The following ELK3 variants were observed in gnomAD, a reference collection of about 807,000 sequenced individuals.
ELK3 encodes ETS transcription factor ELK3.
A neutral mutation model predicts 28.9 loss-of-function variants in ELK3; 10 were observed. The observed-to-expected ratio is 0.35, with a 90% confidence interval of 0.21 to 0.59. The LOEUF (loss-of-function observed/expected upper bound fraction) is 0.59. Ranked by LOEUF, ELK3 falls within the 20% of genes least tolerant of loss-of-function variation. ELK3 has a pLI of 0.82. For missense variants in ELK3, 463 were observed against 517.3 expected (o/e 0.90, Z 1.02); for synonymous variants, 272 against 243.5 (o/e 1.12, Z -1.09).
chr12:96,266,023 C>T (rs1373027355), intron 4 of ELK3, among the ~76,000 whole-genome samples: 1 of 152,124 alleles, frequency 6.6e-6, no homozygotes, highest in Non-Finnish European at 1.5e-5. Context: ...AGCTGTGTGA[C>T]CTTTAGCCAA....
chr12:96,232,072 A>G (rs555530749), intron 2 of ELK3, among the ~76,000 whole-genome samples: 10 of 152,302 alleles, frequency 6.6e-5, no homozygotes, highest in African/African-American at 2.4e-4. Flanking sequence ...AATGAGAATG[A>G]GTTTACCCGG....
At chr12:96,211,486 TTTGTGTG>T (rs149313708) in intron 1 of ELK3, among the ~76,000 whole-genome samples, 38,642 of 133,244 alleles carry the variant, frequency 0.29, 5,482 homozygotes, top group East Asian at 0.62. Flanking sequence ...TCATTGTGTG[TTTGTGTG>T]TGTGTGTGTG....
chr12:96,229,113 C>A (rs1048707710), intron 2 of ELK3, among the ~76,000 whole-genome samples: 1 of 152,174 alleles, frequency 6.6e-6, no homozygotes, highest in Non-Finnish European at 1.5e-5. Flanking sequence ...TTAGTAAATG[C>A]TAGACGAGTG....
chr12:96,267,381 G>T lies in ELK3; in HGVS notation c.*201G>T. 1 of 445,446 alleles carries T rather than the reference G, an allele frequency of 2.2e-6. No homozygotes were observed. Among genetic ancestry groups the T allele is most frequent in the East Asian group, 4.0e-5 (1 of 25,278 alleles). 27.6% of individuals were successfully genotyped at this position (445,446 alleles called of 1,614,324 possible). ...TTCAAGTATATATGAAAATCTGTTT[G>T]GCATTAAGTGAATTTTAATGTTTTT... On this transcript the variant is annotated 3_prime_UTR_variant, in exon 5 of 5. Coordinates refer to ENST00000228741, the MANE Select transcript of ELK3 (RefSeq NM_005230.4).
chr12:96,198,549 G>A (rs142586232), intron 1 of ELK3, among the ~76,000 whole-genome samples: 300 of 152,266 alleles, frequency 2.0e-3, no homozygotes, highest in African/African-American at 5.6e-3. Flanking sequence ...TTATGTCCTG[G>A]TTATCTTTAA....
chr12:96,255,118 G>C (rs1326442255), intron 3 of ELK3, among the ~76,000 whole-genome samples: 2 of 152,122 alleles, frequency 1.3e-5, no homozygotes, highest in African/African-American at 4.8e-5. Flanking sequence ...GGAGGGGTCA[G>C]AGGGATGGAT....
chr12:96,243,908 G>A (rs1209867932), intron 2 of ELK3, among the ~76,000 whole-genome samples: 2 of 150,884 alleles, frequency 1.3e-5, no homozygotes, highest in African/African-American at 4.9e-5. Context: ...TGGGAGGCTG[G>A]GGCAGAAGAA....
intron 4 of ELK3, among the ~76,000 whole-genome samples, chr12:96,261,825 G>T (rs761474540): frequency 6.6e-6 from 1 of 152,140 alleles, no homozygotes; most frequent in Admixed American, 6.5e-5. Flanking sequence ...GATTCGACAC[G>T]TTATCAGGAT....
chr12:96,244,063 TTA>T (rs1951840065), intron 2 of ELK3, among the ~76,000 whole-genome samples: 1 of 152,092 alleles, frequency 6.6e-6, no homozygotes, highest in Non-Finnish European at 1.5e-5. Flanking sequence ...GCCCATTATG[TTA>T]TGTTTGTTCC....
intron 2 of ELK3, among the ~76,000 whole-genome samples, chr12:96,232,832 G>A (rs1435114819): frequency 1.3e-5 from 2 of 151,664 alleles, no homozygotes; most frequent in Non-Finnish European, 2.9e-5. Flanking sequence ...GCTGGGCATG[G>A]TTGTGCGCAC....
Position 96,223,787 on chromosome 12 carries a change from C to G in ELK3, c.207+14C>G, listed in dbSNP as rs753256762. 1.2e-6 allele frequency: 2 copies of G among 1,612,986 alleles called. No individual in the cohort carries two copies. Among genetic ancestry groups the G allele is most frequent in the Middle Eastern group, 3.3e-4 (2 of 6,082 alleles). ...TATTATGACAAGGTAAACCCTTGAC[C>G]TTGCATGGGGCCGTCTTGGGGAGGG... On this transcript the variant is annotated intron_variant, in intron 2 of 4. Coordinates refer to ENST00000228741, the MANE Select transcript of ELK3 (RefSeq NM_005230.4).
At chr12:96,228,542 C>G (rs1052647113) in intron 2 of ELK3, among the ~76,000 whole-genome samples, 2 of 151,568 alleles carry the variant, frequency 1.3e-5, no homozygotes, top group Non-Finnish European at 2.9e-5. Context: ...TAGGACCTAT[C>G]AGGAGCACTT....
In ELK3 at chr12:96,199,035, GCC is replaced by G. The variant is rs1217745409; in HGVS notation, c.-3+4332_-3+4333del. On this transcript the variant is annotated intron_variant, in intron 1 of 4. Transcript: ENST00000228741. The stretch of plus-strand genomic sequence containing the variant: ...GTTCAAGTAATGTTCTAAGAATGCT[GCC>G]CTCTTGAAAGACTGAGTTCCTATGT... Among the ~76,000 whole-genome samples the G allele has an allele frequency of 7.9e-5, 12 of 152,230 alleles. No individual in the cohort carries two copies. The South Asian group carries it at 1.5e-3, about 18-fold the overall frequency.
At chr12:96,231,993 G>A (rs1951745260) in intron 2 of ELK3, among the ~76,000 whole-genome samples, 3 of 152,198 alleles carry the variant, frequency 2.0e-5, no homozygotes, top group African/African-American at 7.2e-5. Flanking sequence ...TCTTCTGGGA[G>A]AGCAGGGAGG....
At chr12:96,203,470 A>G (rs1030248424) in intron 1 of ELK3, among the ~76,000 whole-genome samples, 4 of 152,202 alleles carry the variant, frequency 2.6e-5, no homozygotes, top group Admixed American at 6.5e-5. Context: ...CACTTTGTAC[A>G]ATACCTGGCA....
In ELK3 at chr12:96,194,409, C is replaced by CG. The variant is rs1161406990; in HGVS notation, c.-297dup. 1 of 146,376 alleles carries CG rather than the reference C, an allele frequency of 6.8e-6. No homozygotes were observed. The highest frequency in any genetic ancestry group is 2.5e-5 in the African/African-American group (1 of 40,516). 9.1% of individuals were successfully genotyped at this position (146,376 alleles called of 1,614,324 possible). A position where few individuals can be genotyped will look rare whatever the true frequency, so the allele number is the denominator to read the frequency against. On this transcript the variant is annotated 5_prime_UTR_variant, in exon 1 of 5. Coordinates refer to ENST00000228741, the MANE Select transcript of ELK3 (RefSeq NM_005230.4). Reference sequence around the variant, plus strand: ...GGCGGCCAGCCCCGGCGCACAGCCGCGGCCGGGGCGCGCGGCGCGGGGCGG... The same window carrying CG: ...GGCGGCCAGCCCCGGCGCACAGCCGCGGGCCGGGGCGCGCGGCGCGGGGCGG...
intron 1 of ELK3, among the ~76,000 whole-genome samples, chr12:96,198,575 A>G (rs1951487500): frequency 6.6e-6 from 1 of 152,224 alleles, no homozygotes; most frequent in Non-Finnish European, 1.5e-5. Context: ...CTTTGCCTGT[A>G]TAGATCGACT....
At position 96,267,634 on chromosome 12, in the gene ELK3, T is replaced by C. The variant is rs1037168266; in HGVS notation, c.*454T>C. On this transcript the variant is annotated 3_prime_UTR_variant, in exon 5 of 5. Coordinates refer to ENST00000228741, the MANE Select transcript of ELK3 (RefSeq NM_005230.4). ...GTATTAAGAGGAAATGTTTGAAAGA[T>C]GAAAATTAGTATCAAACAGCTCTCT... The C allele has an allele frequency of 3.3e-5, 5 of 152,958 alleles. No homozygotes were observed. Among genetic ancestry groups the C allele is most frequent in the African/African-American group, 1.2e-4 (5 of 41,448 alleles). 9.5% of individuals were successfully genotyped at this position (152,958 alleles called of 1,614,324 possible). A position where few individuals can be genotyped will look rare whatever the true frequency, so the allele number is the denominator to read the frequency against.
chr12:96,203,428 G>A (rs894544072), intron 1 of ELK3, among the ~76,000 whole-genome samples: 5 of 152,228 alleles, frequency 3.3e-5, no homozygotes, highest in Admixed American at 1.3e-4. Context: ...CTGGGCCTGC[G>A]TCCGTTTTTC....
Sources: gnomAD v4.1 joint callset for allele counts (sites outside exome capture counted in the v4.1 genomes callset) on GRCh38, gnomAD v4.1.1 for gene constraint, MANE v1.5 for transcripts, NCBI Gene and HGNC (gene_info 2026-07-23, HGNC 2026-07-21) for gene names.